Variants in BICC1 observed in about 807,000 individuals in gnomAD.
BICC1 encodes protein bicaudal C homolog 1.
A neutral mutation model predicts 111.0 loss-of-function variants in BICC1; 43 were observed. The ratio of observed to expected loss-of-function variants is 0.39; its 90% CI spans 0.30 to 0.50. BICC1 has a LOEUF of 0.50. Ranked by LOEUF, BICC1 falls within the 20% of genes least tolerant of loss-of-function variation. The pLI is 0.88. For missense variants in BICC1, 1,091 were observed against 1,203.2 expected, an observed-to-expected ratio of 0.91 and a Z score of 1.38; for synonymous variants, 467 against 434.4, an observed-to-expected ratio of 1.07 and a Z score of -0.93.
chr10:58,665,444 AG>A (rs772700237), intron 2 of BICC1, among the ~76,000 whole-genome samples: 3 of 152,124 alleles, frequency 2.0e-5, no homozygotes, highest in Non-Finnish European at 4.4e-5. Flanking sequence ...TACTTGTTGA[AG>A]CCCGTATTTA....
intron 3 of BICC1, among the ~76,000 whole-genome samples, chr10:58,766,206 G>A (rs1255205525): frequency 6.6e-6 from 1 of 151,778 alleles, no homozygotes. Context: ...ACTGCATTAT[G>A]TTCCAAAAAA....
chr10:58,651,540 G>C (rs1335965126), intron 2 of BICC1, among the ~76,000 whole-genome samples: 1 of 152,184 alleles, frequency 6.6e-6, no homozygotes, highest in Admixed American at 6.5e-5. Flanking sequence ...TTCAAGCCCT[G>C]TGTAGTGAAA....
At chr10:58,810,266 A>G (rs894885609) in intron 17 of BICC1, among the ~76,000 whole-genome samples, 2 of 152,068 alleles carry the variant, frequency 1.3e-5, no homozygotes, top group African/African-American at 4.8e-5. Context: ...ACTTCTTCCT[A>G]TGGCTTTTCT....
At chr10:58,552,292 A>G (rs554366229) in intron 1 of BICC1, among the ~76,000 whole-genome samples, 13 of 152,136 alleles carry the variant, frequency 8.5e-5, no homozygotes, top group African/African-American at 3.1e-4. Context: ...TGATATTTTC[A>G]AACTGTAATT....
At chr10:58,814,165 C>A (rs575979738) in intron 18 of BICC1, 179 bp downstream of exon 18, 1 of 716,484 alleles carries the variant, frequency 1.4e-6, no homozygotes, top group Middle Eastern at 2.4e-4. Context: ...GGTTCTCTTT[C>A]CTCTCACTCC....
At chr10:58,806,934 CTTA>C in intron 16 of BICC1, 67 bp from the exon 17 acceptor site, 1 of 1,387,770 alleles carries the variant, frequency 7.2e-7, no homozygotes, top group Non-Finnish European at 9.9e-7. Context: ...AGAAACGACA[CTTA>C]TCATCAGTAT....
At chr10:58,792,662 T>A (rs1481391702) in intron 8 of BICC1, among the ~76,000 whole-genome samples, 2 of 152,184 alleles carry the variant, frequency 1.3e-5, no homozygotes, top group Non-Finnish European at 2.9e-5. Flanking sequence ...CCTGATGATC[T>A]GTCACTGTCT....
chr10:58,798,626 T>G (rs1440567857), intron 11 of BICC1, 66 bp downstream of exon 11: 5 of 1,372,952 alleles, frequency 3.6e-6, no homozygotes, highest in Middle Eastern at 1.9e-4. Flanking sequence ...TTAAATAAAA[T>G]TTACGAAGGG....
chr10:58,784,710 T>C (rs1842964087), intron 3 of BICC1, among the ~76,000 whole-genome samples: 1 of 152,134 alleles, frequency 6.6e-6, no homozygotes, highest in African/African-American at 2.4e-5. Context: ...TATATGATAT[T>C]TTTATTTTGC....
At chr10:58,578,014 A>G (rs1162726309) in intron 1 of BICC1, among the ~76,000 whole-genome samples, 3 of 152,214 alleles carry the variant, frequency 2.0e-5, no homozygotes, top group African/African-American at 4.8e-5. Flanking sequence ...ATTTCATTGT[A>G]TTATAGCCCT....
chr10:58,544,783 A>C (rs939141810), intron 1 of BICC1, among the ~76,000 whole-genome samples: 1 of 152,138 alleles, frequency 6.6e-6, no homozygotes, highest in African/African-American at 2.4e-5. Flanking sequence ...CCTTTCCCCC[A>C]AAATCAGATG....
intron 1 of BICC1, among the ~76,000 whole-genome samples, chr10:58,608,204 C>T (rs1845293740): frequency 6.6e-6 from 1 of 152,058 alleles, no homozygotes. Context: ...CATAAAACTA[C>T]TCCCCACCTC....
chr10:58,711,832 C>A (rs1376845710), intron 3 of BICC1, among the ~76,000 whole-genome samples: 1 of 128,030 alleles, frequency 7.8e-6, no homozygotes. Context: ...AAGATATTTT[C>A]CCTTAACTTA....
intron 3 of BICC1, among the ~76,000 whole-genome samples, chr10:58,771,677 A>G (rs1842626306): frequency 6.6e-6 from 1 of 152,102 alleles, no homozygotes; most frequent in Admixed American, 6.5e-5. Flanking sequence ...ATTATAGGAC[A>G]TTTTGGTGCA....
chr10:58,635,110 T>A (rs959491042), intron 2 of BICC1, among the ~76,000 whole-genome samples: 2 of 152,186 alleles, frequency 1.3e-5, no homozygotes, highest in African/African-American at 4.8e-5. Context: ...TGTCAATTAC[T>A]GATGGATTTA....
Position 58,513,273 on chromosome 10 carries a change from C to G in BICC1, c.130C>G (p.Pro44Ala), listed in dbSNP as rs751379394. 3 of 1,612,980 alleles carry G rather than the reference C, an allele frequency of 1.9e-6. No homozygotes were observed. Among genetic ancestry groups the G allele is most frequent in the Non-Finnish European group, 2.5e-6 (3 of 1,179,494 alleles). Residue 44 changes from proline (P) to alanine (A), a missense_variant, in exon 1 of 21, where the codon CCG becomes GCG. By Grantham distance (27) the Pro-to-Ala change is conservative. Transcript: ENST00000373886. Reference sequence around the variant, plus strand: ...GGTCGCCGGGGCGACCCTGCACAGCCCGGAGTGGAGCGAGGAGCGCTTCCG... The same window carrying G: ...GGTCGCCGGGGCGACCCTGCACAGCGCGGAGTGGAGCGAGGAGCGCTTCCG... ...DLVAGATLHSPEWSEERFRVD... is the reference protein window; with the variant it reads ...DLVAGATLHSAEWSEERFRVD...
intron 9 of BICC1, among the ~76,000 whole-genome samples, chr10:58,794,415 T>C (rs1053479387): frequency 1.3e-5 from 2 of 149,206 alleles, no homozygotes; most frequent in Admixed American, 1.3e-4. Context: ...TTTAATGGAA[T>C]AAATGTTTTT....
chr10:58,777,530 C>CA (rs1226072810), intron 3 of BICC1, among the ~76,000 whole-genome samples: 1 of 152,116 alleles, frequency 6.6e-6, no homozygotes, highest in Admixed American at 6.5e-5. Flanking sequence ...ATGGACCTCC[C>CA]ACCCTTTCCT....
At chr10:58,607,556 G>A (rs898917312) in intron 1 of BICC1, among the ~76,000 whole-genome samples, 2 of 148,166 alleles carry the variant, frequency 1.3e-5, no homozygotes, top group African/African-American at 2.5e-5. Context: ...GTCCCCCTTC[G>A]CCTTCTCCTC....
Sources: allele counts gnomAD v4.1 joint callset (sites outside exome capture counted in the v4.1 genomes callset), GRCh38; gene constraint gnomAD v4.1.1; transcripts MANE v1.5; gene names NCBI Gene and HGNC (gene_info 2026-07-23, HGNC 2026-07-21).